PIEZO1: variants seen among roughly 807,000 people sequenced by gnomAD.
PIEZO1 encodes piezo type mechanosensitive ion channel component 1 (Er blood group).
A neutral mutation model predicts 297.2 loss-of-function variants in PIEZO1; 296 were observed. The observed-to-expected ratio is 1.00, with a 90% CI of 0.91 to 1.10. The LOEUF is 1.10. Ranked by LOEUF, PIEZO1 falls within the 50% of genes least tolerant of loss-of-function variation. The pLI is 0.00. For synonymous variants in PIEZO1, 2,427 were observed against 1,507.5 expected, an observed-to-expected ratio of 1.61 and a Z score of -14.13; for missense variants, 5,018 against 3,455.5, an observed-to-expected ratio of 1.45 and a Z score of -11.34.
intron 1 of PIEZO1, among the ~76,000 whole-genome samples, chr16:88,777,454 C>G (rs1034410654): frequency 1.3e-5 from 2 of 150,026 alleles, no homozygotes; most frequent in African/African-American, 4.9e-5. Context: ...GGGGTCCTCA[C>G]TGTCACTGGC....
In PIEZO1 at chr16:88,735,155, T is replaced by C. The variant is rs1293520037; in HGVS notation, c.1649A>G (p.Glu550Gly). ...CTCACCTGTGTCTGCCACGGTGACC[T>C]CCGTCAGCGCAGCTGGAGACTCTGC... is the stretch of plus-strand genomic sequence containing the variant. ...KWAESPAALT[E>G]VTVADTEPTR... Residue 550 changes from glutamate to glycine, a missense_variant, in exon 13 of 51, where the codon GAG (glutamate) becomes GGG (glycine). Transcript: ENST00000301015. The C allele has an allele frequency of 6.5e-6, 10 of 1,550,100 alleles. No homozygotes were observed. In the Admixed American group the frequency reaches 2.0e-4, roughly 30 times the overall value.
intron 1 of PIEZO1, among the ~76,000 whole-genome samples, chr16:88,773,455 T>G (rs1210877195): frequency 6.6e-6 from 1 of 152,222 alleles, no homozygotes; most frequent in African/African-American, 2.4e-5. Context: ...CAGCACAGAC[T>G]GCCTCCACGT....
Position 88,761,450 on chromosome 16 carries a change from G to A in PIEZO1, c.65-11971C>T, listed in dbSNP as rs117947767. 5.4e-4 allele frequency among the ~76,000 whole-genome samples: 82 copies of A among 152,328 alleles called. No homozygotes were observed. The East Asian group carries it at 0.012, about 22-fold the overall frequency. On this transcript the variant is annotated intron_variant, in intron 1 of 50. Coordinates refer to ENST00000301015, the MANE Select transcript of PIEZO1 (RefSeq NM_001142864.4). ...CGATGGTGCTGACCAAAGGCCCAGC[G>A]GCACGGCCCGAGGCAGAAGCAGTCT... is the stretch of plus-strand genomic sequence containing the variant.
At chr16:88,723,051 G>A (rs1297201942) in intron 33 of PIEZO1, 42 bp from the exon 34 acceptor site, 2 of 1,543,762 alleles carry the variant, frequency 1.3e-6, no homozygotes, top group Non-Finnish European at 1.7e-6. Flanking sequence ...GCAGCCTGTG[G>A]GGCCAAGAGA....
In PIEZO1 at chr16:88,722,240, C is replaced by T. The variant is rs1337645056; in HGVS notation, c.4933G>A (p.Ala1645Thr). 6.5e-7 allele frequency: 1 copy of T among 1,547,398 alleles called. No homozygotes were observed. Among genetic ancestry groups the T allele is most frequent in the South Asian group, 1.2e-5 (1 of 84,026 alleles). Residue 1645 changes from alanine (A) to threonine (T), a missense_variant, in exon 36 of 51, where the codon GCC becomes ACC. Ala to Thr is a moderately conservative substitution (Grantham distance 58). Transcript: ENST00000301015. ...ASLYQGLMRTASELLLDRRLR... is the reference protein window; with the variant it reads ...ASLYQGLMRTTSELLLDRRLR... The stretch of plus-strand genomic sequence containing the variant: ...CACCTGTCCAGGAGCAGCTCGCTGG[C>T]CGTCCGCATCAGTCCCTGGTACAGA...
rs1240336447 is a variant in PIEZO1, at chr16:88,721,877, G to C, written c.5145C>G (p.Phe1715Leu). 10 of 1,549,932 alleles carry C rather than the reference G, an allele frequency of 6.5e-6. No individual in the cohort carries two copies. The highest frequency in any genetic ancestry group is 8.7e-6 in the Non-Finnish European group (10 of 1,146,778). ...TCGGGATCGACAGCATGGCCCACAG[G>C]AAGACGAGCACGGGCAGCACCAGCG... ...AGSLVLPVLVFLWAMLSIPRP... is the reference protein window; with the variant it reads ...AGSLVLPVLVLLWAMLSIPRP... Residue 1715 changes from phenylalanine (F) to leucine (L), a missense_variant, in exon 37 of 51, where the codon TTC becomes TTG. Transcript: ENST00000301015.
rs375185233 is a variant in PIEZO1 at position 88,721,661 on chromosome 16, C to A, written c.5280G>T (p.Leu1760=). 9 of 1,550,120 alleles carry A rather than the reference C, an allele frequency of 5.8e-6. No homozygotes were observed. The East Asian group carries it at 1.2e-4, about 21-fold the overall frequency. Residue 1760 remains leucine (L), a synonymous_variant, in exon 38 of 51, where the codon CTG becomes CTT. Transcript: ENST00000301015. ...GFFPWNSHVV[L]RRYENKPYFP... ...AGTAGGGCTTGTTCTCGTAGCGCCGCAGCACCACGTGGCTGTTCCAGGGGA... is the reference window on the plus strand; with the variant it reads ...AGTAGGGCTTGTTCTCGTAGCGCCGAAGCACCACGTGGCTGTTCCAGGGGA...
Position 88,716,798 on chromosome 16 carries a change from C to T in PIEZO1, c.6753+8G>A. ...CACACCAGCTTTCACAGGGCAGAGGCCACTTACCGGCTGGGGGTCAAACTG... is the reference window on the plus strand; with the variant it reads ...CACACCAGCTTTCACAGGGCAGAGGTCACTTACCGGCTGGGGGTCAAACTG... On this transcript the variant is annotated splice_region_variant and intron_variant, in intron 46 of 50. Transcript: ENST00000301015. 1 of 1,549,870 alleles carries T rather than the reference C, an allele frequency of 6.5e-7. No individual in the cohort carries two copies. The highest frequency in any genetic ancestry group is 8.7e-7 in the Non-Finnish European group (1 of 1,146,948).
At chr16:88,732,566 G>C (rs1425426306) in intron 20 of PIEZO1, 31 bp from the exon 21 acceptor site, 1 of 1,542,572 alleles carries the variant, frequency 6.5e-7, no homozygotes, top group Non-Finnish European at 8.8e-7. Context: ...GGGGCAGCCG[G>C]GTACTCGCCC....
intron 22 of PIEZO1, 75 bp from the exon 23 acceptor site, chr16:88,727,736 C>T (rs1294342972): frequency 3.0e-6 from 2 of 671,586 alleles, no homozygotes; most frequent in Non-Finnish European, 4.8e-6. Context: ...CACCCGTTGA[C>T]CCGAGTCTAT....
At chr16:88,719,534 C>T (rs1912276805) in intron 44 of PIEZO1, 40 bp downstream of exon 44, 2 of 1,521,880 alleles carry the variant, frequency 1.3e-6, no homozygotes, top group South Asian at 1.2e-5. Flanking sequence ...GAGGGCATAT[C>T]CCTGGCCCTT....
intron 1 of PIEZO1, among the ~76,000 whole-genome samples, chr16:88,783,358 G>A (rs1908021991): frequency 6.6e-6 from 1 of 152,224 alleles, no homozygotes; most frequent in Admixed American, 6.5e-5. Flanking sequence ...AGAAGATTTT[G>A]TGACATGAAA....
At position 88,716,449 on chromosome 16, in the gene PIEZO1, TG is replaced by T; in HGVS notation, c.6960del (p.Asn2321ThrfsTer51). The T allele has an allele frequency of 6.5e-7, 1 of 1,549,762 alleles. No individual in the cohort carries two copies. The highest frequency in any genetic ancestry group is 8.7e-7 in the Non-Finnish European group (1 of 1,146,670). On this transcript the variant is annotated frameshift_variant, in exon 48 of 51. Transcript: ENST00000301015. LOFTEE classifies it high-confidence loss of function. ...DLAKGGTVEY[A>X]NEKHMLALAP... ...GCCAGGGCCAGCATGTGCTTCTCGT[TG>T]GCATACTCCACAGTGCCTCCCTTCG...
chr16:88,749,446 A>G lies in PIEZO1; in HGVS notation c.98T>C (p.Val33Ala). ...CAGCAGCAGCAGGAAGAGCAGGTAGACCAGCGAGAGTCCGCTGAAGCGGAG... is the reference window on the plus strand; with the variant it reads ...CAGCAGCAGCAGGAAGAGCAGGTAGGCCAGCGAGAGTCCGCTGAAGCGGAG... Reference protein sequence around the residue: ...CLLRFSGLSLVYLLFLLLLPW... With the variant: ...CLLRFSGLSLAYLLFLLLLPW... The change falls in exon 2 of 51, where the codon GTC becomes GCC. Residue 33 changes from valine (V) to alanine (A), a missense_variant. Transcript: ENST00000301015. The G allele has an allele frequency of 6.6e-7, 1 of 1,524,284 alleles. No individual in the cohort carries two copies. 94.4% of individuals were successfully genotyped at this position (1,524,284 alleles called of 1,614,324 possible). A position where few individuals can be genotyped will look rare whatever the true frequency, so the allele number is the denominator to read the frequency against.
intron 1 of PIEZO1, among the ~76,000 whole-genome samples, chr16:88,750,425 C>T (rs991826747): frequency 1.3e-5 from 2 of 152,254 alleles, no homozygotes; most frequent in African/African-American, 2.4e-5. Context: ...TGGGACACAG[C>T]GCGCCTTCAG....
intron 22 of PIEZO1, 33 bp from the exon 23 acceptor site, chr16:88,727,694 G>T: frequency 8.8e-7 from 1 of 1,133,480 alleles, no homozygotes; most frequent in Non-Finnish European, 1.2e-6. Context: ...AGGAAGGGCC[G>T]GGCCTGCCTG....
chr16:88,770,109 C>T (rs1375937121), intron 1 of PIEZO1, among the ~76,000 whole-genome samples: 2 of 152,154 alleles, frequency 1.3e-5, no homozygotes, highest in Admixed American at 6.5e-5. Context: ...CCTGCCCACA[C>T]GCCCCAGCCC....
chr16:88,742,707 C>T, intron 2 of PIEZO1: 1 of 440,802 alleles, frequency 2.3e-6, no homozygotes, highest in Non-Finnish European at 4.1e-6. Context: ...AGGAAACCAC[C>T]TGGGGTGTGC....
At chr16:88,744,247 C>A in intron 2 of PIEZO1, 1 of 154,768 alleles carries the variant, frequency 6.5e-6, no homozygotes, top group Non-Finnish European at 1.4e-5. Context: ...GCTGTGAGTC[C>A]TGCTCGCTGC....
Sources: allele counts gnomAD v4.1 joint callset (sites outside exome capture counted in the v4.1 genomes callset), GRCh38; gene constraint gnomAD v4.1.1; transcripts MANE v1.5; gene names NCBI Gene and HGNC (gene_info 2026-07-23, HGNC 2026-07-21).